Variants in NTNG1 observed in about 807,000 individuals in gnomAD.
NTNG1 encodes netrin G1.
NTNG1 carries 16 observed loss-of-function variants against 54.0 expected under a neutral mutation model. The observed-to-expected ratio is 0.30, with a 90% CI of 0.20 to 0.45. The LOEUF (loss-of-function observed/expected upper bound fraction) is 0.45. Among genes scored for constraint, NTNG1 ranks in the 20% least tolerant of loss-of-function variants. The pLI is 1.00. For missense variants in NTNG1, 530 were observed against 678.7 expected, an observed-to-expected ratio of 0.78 and a Z score of 2.43; for synonymous variants, 255 against 263.1, an observed-to-expected ratio of 0.97 and a Z score of 0.30.
intron 2 of NTNG1, among the ~76,000 whole-genome samples, chr1:107,196,747 G>A (rs72697692): frequency 0.042 from 6,322 of 152,034 alleles, 139 homozygotes; most frequent in Non-Finnish European, 0.051. Context: ...TAGAAAAGAA[G>A]AGTTCTACCT....
At chr1:107,471,086 G>A (rs1558024259) in intron 7 of NTNG1, among the ~76,000 whole-genome samples, 1 of 152,012 alleles carries the variant, frequency 6.6e-6, no homozygotes, top group Non-Finnish European at 1.5e-5. Context: ...TTTTTCTATG[G>A]TTTGGCAAAA....
intron 1 of NTNG1, among the ~76,000 whole-genome samples, chr1:107,144,833 A>G (rs956467063): frequency 6.6e-6 from 1 of 151,984 alleles, no homozygotes; most frequent in African/African-American, 2.4e-5. Flanking sequence ...ATTAATGGGT[A>G]TTTTTATCAA....
At chr1:107,362,056 C>G (rs537305053) in intron 3 of NTNG1, among the ~76,000 whole-genome samples, 1 of 152,202 alleles carries the variant, frequency 6.6e-6, no homozygotes, top group South Asian at 2.1e-4. Context: ...TCCAGCACTC[C>G]CTCGTCTCAT....
chr1:107,425,050 G>T (rs566027997), intron 5 of NTNG1, among the ~76,000 whole-genome samples: 1 of 152,198 alleles, frequency 6.6e-6, no homozygotes, highest in Non-Finnish European at 1.5e-5. Context: ...CTTCAGGAAG[G>T]ATTACCAGGC....
rs1678696649 is a variant in NTNG1, at chr1:107,481,243, T to A, written c.*403T>A. On this transcript the variant is annotated 3_prime_UTR_variant, in exon 8 of 8. Coordinates refer to ENST00000370068, the MANE Select transcript of NTNG1 (RefSeq NM_001113226.3). ...CAGTGTGTGGACCAACCAAATAGCA[T>A]TCTTTGCTGTCAGGTGCATTGTGGG... 5.2e-6 allele frequency: 1 copy of A among 192,476 alleles called. No individual in the cohort carries two copies. Among genetic ancestry groups the A allele is most frequent in the Admixed American group, 5.9e-5 (1 of 17,058 alleles). The allele number at this position is 192,476 out of a possible 1,614,324, so 11.9% of individuals were successfully genotyped here. A position where few individuals can be genotyped will look rare whatever the true frequency, so the allele number is the denominator to read the frequency against.
chr1:107,202,937 G>T (rs537594311), intron 2 of NTNG1, among the ~76,000 whole-genome samples: 118 of 151,956 alleles, frequency 7.8e-4, no homozygotes, highest in African/African-American at 2.8e-3. Flanking sequence ...CTAGAAAAAT[G>T]TCTTTGAGAT....
At chr1:107,384,082 A>G (rs2101043688) in intron 3 of NTNG1, among the ~76,000 whole-genome samples, 1 of 152,280 alleles carries the variant, frequency 6.6e-6, no homozygotes, top group Admixed American at 6.5e-5. Context: ...CAGATTCCTC[A>G]TGAGTTTAGC....
At chr1:107,282,407 C>T (rs1310558152) in intron 2 of NTNG1, among the ~76,000 whole-genome samples, 1 of 152,076 alleles carries the variant, frequency 6.6e-6, no homozygotes, top group Non-Finnish European at 1.5e-5. Context: ...AGTGAATTTA[C>T]TATATCAATA....
chr1:107,437,162 T>C (rs1675658328), intron 7 of NTNG1, among the ~76,000 whole-genome samples: 1 of 152,206 alleles, frequency 6.6e-6, no homozygotes, highest in Non-Finnish European at 1.5e-5. Context: ...AACTGAAAGT[T>C]ACCCTAGAGC....
intron 2 of NTNG1, among the ~76,000 whole-genome samples, chr1:107,198,379 A>G (rs1658492933): frequency 6.6e-6 from 1 of 151,992 alleles, no homozygotes; most frequent in Admixed American, 6.6e-5. Flanking sequence ...GTTTCATTAT[A>G]CTATGCTGTC....
At chr1:107,256,949 A>T (rs1340920631) in intron 2 of NTNG1, among the ~76,000 whole-genome samples, 1 of 152,120 alleles carries the variant, frequency 6.6e-6, no homozygotes, top group Non-Finnish European at 1.5e-5. Flanking sequence ...GTTGGCTTCC[A>T]TTTCTGACAG....
upstream of NTNG1, chr1:107,140,697 A>G (rs1653588401): frequency 6.6e-6 from 1 of 151,908 alleles, no homozygotes; most frequent in African/African-American, 2.4e-5. Context: ...GCCAAGCGGC[A>G]TAGAACCGCC....
chr1:107,281,648 C>A (rs1201960150), intron 2 of NTNG1, among the ~76,000 whole-genome samples: 1 of 151,916 alleles, frequency 6.6e-6, no homozygotes, highest in African/African-American at 2.4e-5. Flanking sequence ...GTTATATATA[C>A]ATATATATGT....
intron 2 of NTNG1, among the ~76,000 whole-genome samples, chr1:107,292,496 AAAT>A: frequency 6.6e-6 from 1 of 152,234 alleles, no homozygotes. Context: ...GGTCTCTCTG[AAAT>A]AATAATTGGT....
At chr1:107,342,954 G>A (rs1169698819) in intron 3 of NTNG1, among the ~76,000 whole-genome samples, 3 of 152,092 alleles carry the variant, frequency 2.0e-5, no homozygotes, top group Non-Finnish European at 4.4e-5. Context: ...TGCAGCTATA[G>A]ATCACTGGTA....
chr1:107,237,285 G>A (rs1314663457), intron 2 of NTNG1, among the ~76,000 whole-genome samples: 3 of 152,298 alleles, frequency 2.0e-5, no homozygotes, highest in East Asian at 1.9e-4. Context: ...TGATGATTTA[G>A]GGTATATAGT....
intron 2 of NTNG1, among the ~76,000 whole-genome samples, chr1:107,288,441 T>C (rs961162415): frequency 6.6e-6 from 1 of 152,076 alleles, no homozygotes; most frequent in African/African-American, 2.4e-5. Context: ...CCAAGAAATA[T>C]ATAACATGAA....
chr1:107,478,113 G>A (rs966521606), intron 7 of NTNG1, among the ~76,000 whole-genome samples: 2 of 152,186 alleles, frequency 1.3e-5, no homozygotes, highest in Non-Finnish European at 1.5e-5. Context: ...TGAAGATGGA[G>A]CATGATTATG....
At chr1:107,316,972 C>T (rs1274057581) in intron 2 of NTNG1, among the ~76,000 whole-genome samples, 1 of 152,196 alleles carries the variant, frequency 6.6e-6, no homozygotes, top group Non-Finnish European at 1.5e-5. Context: ...TAGGAAGGTC[C>T]TGCCTGCCTC....
Sources: allele counts gnomAD v4.1 joint callset (sites outside exome capture counted in the v4.1 genomes callset), GRCh38; gene constraint gnomAD v4.1.1; transcripts MANE v1.5; gene names NCBI Gene and HGNC (gene_info 2026-07-23, HGNC 2026-07-21).